DAB2IP: variants seen among roughly 807,000 people sequenced by gnomAD.
DAB2IP encodes the protein DAB2 interacting protein.
Under a neutral mutation model 107.2 loss-of-function variants are expected in DAB2IP, and 28 were observed. That is an observed-to-expected ratio of 0.26 (90% CI 0.19 to 0.36). The LOEUF (loss-of-function observed/expected upper bound fraction) is 0.36, where lower values mean the gene tolerates loss of function less well. Among genes scored for constraint, DAB2IP ranks in the 10% least tolerant of loss-of-function variants. DAB2IP has a pLI of 1.00. For missense variants in DAB2IP, 1,400 were observed against 1,644.7 expected (o/e 0.85, Z 2.57); for synonymous variants, 755 against 706.4 (o/e 1.07, Z -1.09).
rs1460772787 is a variant in DAB2IP, at chr9:121,760,235, G to A, written c.966G>A (p.Lys322=). Reference sequence around the variant, plus strand: ...TGACGCCCAACCCCAAGGGCGGCAAGGGCCCTGGACCCATGATCCGCATCA... The same window carrying A: ...TGACGCCCAACCCCAAGGGCGGCAAAGGCCCTGGACCCATGATCCGCATCA... Residue 322 remains lysine (K), a synonymous_variant, in exon 6 of 16, where the codon AAG becomes AAA. Coordinates refer to ENST00000408936, the Ensembl canonical transcript of DAB2IP. The surrounding 1 kb of genome is among the most constrained non-coding windows in gnomAD (Gnocchi z 5.9). The A allele has an allele frequency of 6.2e-7, 1 of 1,613,776 alleles. No homozygotes were observed. Among genetic ancestry groups the A allele is most frequent in the African/African-American group, 1.3e-5 (1 of 75,044 alleles).
intron 3 of DAB2IP, among the ~76,000 whole-genome samples, chr9:121,734,955 C>G (rs1831788299): frequency 6.6e-6 from 1 of 152,164 alleles, no homozygotes; most frequent in Non-Finnish European, 1.5e-5. Flanking sequence ...AGGTGGTGCT[C>G]AGAGGATGCA....
chr9:121,589,755 C>T (rs1830385648), intron 1 of DAB2IP, among the ~76,000 whole-genome samples: 1 of 152,192 alleles, frequency 6.6e-6, no homozygotes, highest in Non-Finnish European at 1.5e-5. Context: ...CAGCTCCTTC[C>T]TACACTGGTG....
intron 3 of DAB2IP, among the ~76,000 whole-genome samples, chr9:121,703,733 G>T (rs1412727351): frequency 1.3e-5 from 2 of 152,166 alleles, no homozygotes; most frequent in Non-Finnish European, 2.9e-5. Flanking sequence ...AGATTAATAT[G>T]TCATAGGTTT....
rs1341677250 is a variant in DAB2IP, at chr9:121,635,102, G to C, written c.41-43576G>C. Among the ~76,000 whole-genome samples the C allele has an allele frequency of 2.0e-5, 3 of 152,206 alleles. No individual in the cohort carries two copies. Among genetic ancestry groups the C allele is most frequent in the Non-Finnish European group, 4.4e-5 (3 of 68,048 alleles). On this transcript the variant is annotated intron_variant, in intron 1 of 16. Transcript: ENST00000259371. This position sits in a 1 kb window ranked among gnomAD's most constrained non-coding sequence, Gnocchi z 4.3. ...CGAAGGGGAAGCTTGGCAGAGGGTG[G>C]CTATGGAGTGGAGGGGGCTGGAGAG...
chr9:121,666,694 C>G (rs1028313151), intron 1 of DAB2IP, among the ~76,000 whole-genome samples: 1 of 152,006 alleles, frequency 6.6e-6, no homozygotes, highest in Non-Finnish European at 1.5e-5. Flanking sequence ...CAGCAAACCA[C>G]CATGTCACAT....
chr9:121,581,582 G>C (rs1830195163), intron 1 of DAB2IP, among the ~76,000 whole-genome samples: 1 of 152,194 alleles, frequency 6.6e-6, no homozygotes, highest in Admixed American at 6.5e-5. Flanking sequence ...ATTTGTCCCT[G>C]GTTGTACTAC....
At chr9:121,581,009 G>A (rs868305759) in intron 1 of DAB2IP, among the ~76,000 whole-genome samples, 2 of 152,236 alleles carry the variant, frequency 1.3e-5, no homozygotes, top group South Asian at 2.1e-4. Flanking sequence ...CTGGGCTGGG[G>A]TAGCGGCCTC....
chr9:121,717,598 C>A (rs1163804028), intron 3 of DAB2IP, among the ~76,000 whole-genome samples: 1 of 152,212 alleles, frequency 6.6e-6, no homozygotes, highest in East Asian at 1.9e-4. Context: ...GGCATTCTGA[C>A]CTGCCCCTCC....
At chr9:121,763,765 A>G in exon 8 of DAB2IP, 1 of 1,614,068 alleles carries the variant, frequency 6.2e-7, no homozygotes, top group Non-Finnish European at 8.5e-7. Flanking sequence ...TATGAGTCAG[A>G]TGAGAACTGC....
chr9:121,707,599 T>TA (rs1218037188), intron 3 of DAB2IP, among the ~76,000 whole-genome samples: 3 of 152,134 alleles, frequency 2.0e-5, no homozygotes, highest in African/African-American at 7.2e-5. Context: ...TGGGGAGAGA[T>TA]AGAGATGGCA....
exon 12 of DAB2IP, chr9:121,773,411 G>A (rs777148178): frequency 4.4e-6 from 7 of 1,584,342 alleles, no homozygotes; most frequent in Middle Eastern, 1.7e-4. Flanking sequence ...CTGATTGGGT[G>A]GGCCCCAGTA....
At position 121,610,323 on chromosome 9, in the gene DAB2IP, C is replaced by T. The variant is rs1449155075; in HGVS notation, c.40+43095C>T. Reference sequence around the variant, plus strand: ...GCCTCTCTGGGCTGTAATGATAATACCTAGCAGCTCACACTTTCTGAGTAC... The same window carrying T: ...GCCTCTCTGGGCTGTAATGATAATATCTAGCAGCTCACACTTTCTGAGTAC... On this transcript the variant is annotated intron_variant, in intron 1 of 16. Coordinates refer to the DAB2IP transcript ENST00000259371. Among the ~76,000 whole-genome samples the T allele has an allele frequency of 2.0e-5, 3 of 152,270 alleles. No homozygotes were observed. In the East Asian group the frequency reaches 5.8e-4, roughly 29 times the overall value.
At chr9:121,652,665 G>A (rs1832800715) in intron 1 of DAB2IP, among the ~76,000 whole-genome samples, 1 of 152,112 alleles carries the variant, frequency 6.6e-6, no homozygotes, top group African/African-American at 2.4e-5. Flanking sequence ...TGGAAGGGAG[G>A]AGAAAGACGG....
chr9:121,732,399 A>G (rs750097973), intron 3 of DAB2IP, among the ~76,000 whole-genome samples: 4 of 152,198 alleles, frequency 2.6e-5, no homozygotes, highest in Non-Finnish European at 4.4e-5. Context: ...CTGCCAGCCA[A>G]AGTCATCACC....
chr9:121,592,914 G>GAGAGGAGGGTCTTT (rs1284319663), intron 1 of DAB2IP, among the ~76,000 whole-genome samples: 1 of 152,162 alleles, frequency 6.6e-6, no homozygotes, highest in Non-Finnish European at 1.5e-5. Flanking sequence ...TGGGCAGACA[G>GAGAGGAGGGTCTTT]AGAGGAGGGT....
chr9:121,631,737 A>G (rs894529848), intron 1 of DAB2IP, among the ~76,000 whole-genome samples: 2 of 147,662 alleles, frequency 1.4e-5, no homozygotes, highest in Non-Finnish European at 3.0e-5. Flanking sequence ...AATCGCTTGA[A>G]CCCGGGAGGT....
chr9:121,603,834 G>A (rs2118958971), intron 1 of DAB2IP, among the ~76,000 whole-genome samples: 1 of 152,268 alleles, frequency 6.6e-6, no homozygotes, highest in South Asian at 2.1e-4. Flanking sequence ...TCCTGTCTGG[G>A]TTTCTAGGGA....
At chr9:121,783,676 C>T (rs376835559) in exon 16 of DAB2IP, 62 of 1,235,090 alleles carry the variant, frequency 5.0e-5, no homozygotes, top group East Asian at 3.3e-4. Flanking sequence ...CAGCCTGCAC[C>T]TGCCCCGTGT....
chr9:121,572,600 C>T (rs519379), intron 1 of DAB2IP, among the ~76,000 whole-genome samples: 42,645 of 152,030 alleles, frequency 0.28, 6,498 homozygotes, highest in African/African-American at 0.32. Flanking sequence ...CCAGCTCTCT[C>T]GGTTATTGGG....
Sources: allele counts gnomAD v4.1 joint callset (sites outside exome capture counted in the v4.1 genomes callset), GRCh38; gene constraint gnomAD v4.1.1; non-coding constraint Gnocchi (gnomAD v3.1); transcripts MANE v1.5; gene names NCBI Gene and HGNC (gene_info 2026-07-23, HGNC 2026-07-21).